The following SFI1 variants were observed in gnomAD, a reference collection of about 807,000 sequenced individuals.
SFI1 encodes SFI1 centrin binding protein, also known as protein SFI1 homolog.
A neutral mutation model predicts 207.5 loss-of-function variants in SFI1; 195 were observed. The ratio of observed to expected loss-of-function variants is 0.94; its 90% CI spans 0.84 to 1.06. The LOEUF is 1.06. Ranked by LOEUF, SFI1 falls within the 50% of genes least tolerant of loss-of-function variation. The pLI is 0.00. For synonymous variants in SFI1, 630 were observed against 598.9 expected (o/e 1.05, Z -0.76); for missense variants, 1,634 against 1,588.0 (o/e 1.03, Z -0.49).
At chr22:31,563,852 G>T (rs1489190766) in intron 8 of SFI1, among the ~76,000 whole-genome samples, 1 of 151,968 alleles carries the variant, frequency 6.6e-6, no homozygotes, top group Non-Finnish European at 1.5e-5. Flanking sequence ...CTCCCAAAGT[G>T]CTGGGATTAC....
At chr22:31,612,058 C>T in intron 24 of SFI1, 1 of 1,336,648 alleles carries the variant, frequency 7.5e-7, no homozygotes, top group Non-Finnish European at 9.6e-7. Flanking sequence ...AGGCCAGTTT[C>T]TCTCTCTACA....
chr22:31,599,358 A>G (rs56150546), intron 15 of SFI1, among the ~76,000 whole-genome samples: 8,523 of 149,928 alleles, frequency 0.057, 221 homozygotes, highest in Non-Finnish European at 0.066. Flanking sequence ...ATCTCGCTCT[A>G]TTGCCAGGCT....
At chr22:31,522,064 CTTTTTT>C (rs752422385) in intron 2 of SFI1, among the ~76,000 whole-genome samples, 1 of 76,362 alleles carries the variant, frequency 1.3e-5, no homozygotes, top group Non-Finnish European at 2.4e-5. Context: ...TACACCTGGC[CTTTTTT>C]TTTTTTTTTT....
intron 15 of SFI1, among the ~76,000 whole-genome samples, chr22:31,595,178 A>T (rs2066914508): frequency 6.6e-6 from 1 of 151,586 alleles, no homozygotes. Context: ...TTGTATCTTT[A>T]GTAGGGACGG....
intron 15 of SFI1, among the ~76,000 whole-genome samples, chr22:31,591,448 T>C (rs922765228): frequency 2.6e-5 from 4 of 152,140 alleles, no homozygotes; most frequent in Non-Finnish European, 5.9e-5. Flanking sequence ...AAAGCCGCCA[T>C]TGTCATCCTG....
intron 9 of SFI1, among the ~76,000 whole-genome samples, chr22:31,574,784 C>T (rs981169594): frequency 1.3e-5 from 2 of 152,016 alleles, no homozygotes; most frequent in Admixed American, 6.6e-5. Context: ...TGGCCGGGCG[C>T]GGTGGCTCAC....
intron 8 of SFI1, among the ~76,000 whole-genome samples, chr22:31,564,732 A>G (rs1043342005): frequency 2.1e-5 from 3 of 145,602 alleles, no homozygotes; most frequent in Non-Finnish European, 4.5e-5. Context: ...CTGGTCTGAA[A>G]CTCCTGAGCT....
At chr22:31,509,624 G>A (rs1751199091) in intron 2 of SFI1, among the ~76,000 whole-genome samples, 1 of 152,148 alleles carries the variant, frequency 6.6e-6, no homozygotes, top group South Asian at 2.1e-4. Context: ...TGACTCAAAT[G>A]TTAATATCTT....
intron 2 of SFI1, 36 bp from the exon 3 acceptor site, chr22:31,528,654 T>A (rs771668302): frequency 1.3e-6 from 2 of 1,590,064 alleles, no homozygotes; most frequent in African/African-American, 2.7e-5. Context: ...GAGATAACTT[T>A]ATTCTCTCCT....
chr22:31,507,209 A>G (rs902267349), intron 1 of SFI1, among the ~76,000 whole-genome samples: 4 of 152,190 alleles, frequency 2.6e-5, no homozygotes, highest in East Asian at 1.9e-4. Context: ...CTGCACACCT[A>G]CAACCATCTG....
At chr22:31,564,193 G>C (rs2062017521) in intron 8 of SFI1, among the ~76,000 whole-genome samples, 1 of 151,456 alleles carries the variant, frequency 6.6e-6, no homozygotes, top group East Asian at 2.0e-4. Flanking sequence ...CGGGCGTGGT[G>C]GTGGGTGCCT....
rs542491481 is a variant in SFI1, at chr22:31,604,575, T to A, written c.1977+171T>A. On this transcript the variant is annotated intron_variant, in intron 19 of 32. Transcript: ENST00000400288. ...GCCTTAGGCCATAGGGTTCTTTGAT[T>A]CTTGCTTGGCCAAGTGGAAACAAGT... is the stretch of plus-strand genomic sequence containing the variant. 8.3e-4 allele frequency: 523 copies of A among 630,024 alleles called. 8 individuals are homozygous for A. The highest frequency in any genetic ancestry group is 7.1e-3 in the South Asian group (334 of 46,906). The allele number at this position is 630,024 out of a possible 1,614,324, so 39.0% of individuals were successfully genotyped here. A position where few individuals can be genotyped will look rare whatever the true frequency, so the allele number is the denominator to read the frequency against.
At chr22:31,515,568 G>C (rs2056374850) in intron 2 of SFI1, among the ~76,000 whole-genome samples, 1 of 137,148 alleles carries the variant, frequency 7.3e-6, no homozygotes. Context: ...GTGTGTGTGT[G>C]TAGACAGGGT....
intron 22 of SFI1, 45 bp downstream of exon 22, chr22:31,608,078 C>T: frequency 6.6e-7 from 1 of 1,506,546 alleles, no homozygotes; most frequent in Non-Finnish European, 9.2e-7. Context: ...AATGTGAAGA[C>T]AGCGCTGTTG....
At chr22:31,594,854 C>A (rs1308514142) in intron 15 of SFI1, among the ~76,000 whole-genome samples, 805 of 76,578 alleles carry the variant, frequency 0.011, no homozygotes, top group Middle Eastern at 0.026. Context: ...GACTCTGTCT[C>A]AAAAAAAAAA....
chr22:31,602,813 C>T (rs776486509), intron 17 of SFI1, 28 bp downstream of exon 17: 12 of 1,604,356 alleles, frequency 7.5e-6, no homozygotes, highest in Non-Finnish European at 1.0e-5. Flanking sequence ...CCTTACAAGC[C>T]TTTCCATCAC....
chr22:31,599,923 A>G (rs763443879), intron 15 of SFI1, among the ~76,000 whole-genome samples: 2 of 149,476 alleles, frequency 1.3e-5, no homozygotes, highest in Non-Finnish European at 3.0e-5. Flanking sequence ...GGGATTCACT[A>G]TGTTGTCCAG....
At chr22:31,528,123 T>A (rs2058110290) in intron 2 of SFI1, among the ~76,000 whole-genome samples, 1 of 147,314 alleles carries the variant, frequency 6.8e-6, no homozygotes, top group African/African-American at 2.5e-5. Flanking sequence ...AAAAAAATAA[T>A]AAAAATAAAA....
rs2067479502 is a variant in SFI1 at position 31,598,360 on chromosome 22, T to G, written c.1545-3852T>G. ...AGAACATTTCTGTTACCCCAGAAAGTTCCTTCATGTCCCCTCCAGTCAGTC... is the reference window on the plus strand; with the variant it reads ...AGAACATTTCTGTTACCCCAGAAAGGTCCTTCATGTCCCCTCCAGTCAGTC... On this transcript the variant is annotated intron_variant, in intron 15 of 32. Coordinates refer to ENST00000400288, the MANE Select transcript of SFI1 (RefSeq NM_001007467.3). Among the ~76,000 whole-genome samples the G allele has an allele frequency of 2.0e-5, 3 of 152,110 alleles. No homozygotes were observed. The South Asian group carries it at 6.2e-4, about 32-fold the overall frequency.
Sources: gnomAD v4.1 joint callset for allele counts (sites outside exome capture counted in the v4.1 genomes callset) on GRCh38, gnomAD v4.1.1 for gene constraint, MANE v1.5 for transcripts, NCBI Gene and HGNC (gene_info 2026-07-23, HGNC 2026-07-21) for gene names.